The following ATP10A variants were observed in gnomAD, a reference collection of about 807,000 sequenced individuals.
The protein encoded by ATP10A is phospholipid-transporting ATPase VA.
ATP10A carries 111 observed loss-of-function variants against 147.8 expected under a neutral mutation model. That is an observed-to-expected ratio of 0.75 (90% CI 0.64 to 0.88). The LOEUF is 0.88. ATP10A is among the 40% of genes least tolerant of loss of function. The pLI is 0.00. For synonymous variants in ATP10A, 875 were observed against 841.6 expected, an observed-to-expected ratio of 1.04 and a Z score of -0.69; for missense variants, 1,927 against 1,959.0, an observed-to-expected ratio of 0.98 and a Z score of 0.31.
chr15:25,736,664 C>G (rs1387554998), intron 2 of ATP10A, among the ~76,000 whole-genome samples: 2 of 152,068 alleles, frequency 1.3e-5, no homozygotes, highest in Non-Finnish European at 2.9e-5. Context: ...AAAAAAAACC[C>G]TGACAACTCA....
intron 2 of ATP10A, among the ~76,000 whole-genome samples, chr15:25,748,257 T>C (rs1295354965): frequency 6.6e-6 from 1 of 152,154 alleles, no homozygotes; most frequent in Non-Finnish European, 1.5e-5. Flanking sequence ...CGGCCAAAAA[T>C]TCTTAATAAA....
intron 3 of ATP10A, 93 bp downstream of exon 3, chr15:25,735,963 T>G (rs1223517741): frequency 9.7e-6 from 11 of 1,138,694 alleles, no homozygotes; most frequent in Non-Finnish European, 1.3e-5. Flanking sequence ...GCAAAGAGTA[T>G]TAAATGCATA....
At chr15:25,775,214 C>T (rs1889543981) in intron 2 of ATP10A, among the ~76,000 whole-genome samples, 1 of 152,190 alleles carries the variant, frequency 6.6e-6, no homozygotes, top group African/African-American at 2.4e-5. Flanking sequence ...TTTTTCACTT[C>T]TAGTTTTCCT....
At chr15:25,702,246 C>A (rs1444537593) in intron 12 of ATP10A, 146 bp from the exon 13 acceptor site, 1 of 775,802 alleles carries the variant, frequency 1.3e-6, no homozygotes. Flanking sequence ...GCTGGGCTGC[C>A]AGTTGTCTGC....
rs746088232 is a variant in ATP10A at position 25,713,669 on chromosome 15, A to G, written c.2344+5T>C. 6.2e-7 allele frequency: 1 copy of G among 1,613,102 alleles called. No individual in the cohort carries two copies. Among genetic ancestry groups the G allele is most frequent in the Admixed American group, 1.7e-5 (1 of 59,898 alleles). On this transcript the variant is annotated splice_donor_5th_base_variant and intron_variant, in intron 10 of 20. Transcript: ENST00000555815. ...TGGGGTGCAGCTGGGCAGGGGTGGGAGTACCTGAAGAGCAGGGCTGCAGGA... is the reference window on the plus strand; with the variant it reads ...TGGGGTGCAGCTGGGCAGGGGTGGGGGTACCTGAAGAGCAGGGCTGCAGGA...
At chr15:25,716,546 C>T (rs72703705) in intron 9 of ATP10A, among the ~76,000 whole-genome samples, 184 bp downstream of exon 9, 179 of 152,314 alleles carry the variant, frequency 1.2e-3, no homozygotes, top group Non-Finnish European at 2.1e-3. Flanking sequence ...CTGGGGCCAA[C>T]GCTGCAGAAC....
intron 1 of ATP10A, among the ~76,000 whole-genome samples, chr15:25,792,744 A>C (rs759573458): frequency 6.6e-6 from 1 of 152,038 alleles, no homozygotes; most frequent in African/African-American, 2.4e-5. Flanking sequence ...TGGAATGTCA[A>C]TTTTGTTGCT....
In ATP10A at chr15:25,714,253, A is replaced by C; in HGVS notation, c.1777-12T>G. On this transcript the variant is annotated splice_polypyrimidine_tract_variant and intron_variant, in intron 9 of 20. Coordinates refer to ENST00000555815, the MANE Select transcript of ATP10A (RefSeq NM_024490.4). ...AACCTCACCCTCACCTGCAAGAGAA[A>C]TGGTCAGAAGGCAGGTGAGGGAACT... is the stretch of plus-strand genomic sequence containing the variant. The C allele has an allele frequency of 1.3e-6, 2 of 1,598,632 alleles. No homozygotes were observed. Among genetic ancestry groups the C allele is most frequent in the Non-Finnish European group, 1.7e-6 (2 of 1,179,780 alleles).
At chr15:25,722,444 A>G (rs1902302893) in intron 6 of ATP10A, among the ~76,000 whole-genome samples, 1 of 152,222 alleles carries the variant, frequency 6.6e-6, no homozygotes, top group Non-Finnish European at 1.5e-5. Flanking sequence ...AGGAAAGGGA[A>G]AGAGGCTTTG....
chr15:25,826,764 C>T (rs1892132714), intron 1 of ATP10A, among the ~76,000 whole-genome samples: 1 of 152,144 alleles, frequency 6.6e-6, no homozygotes, highest in African/African-American at 2.4e-5. Context: ...CACTGTACTC[C>T]AGCCTGGGCA....
intron 2 of ATP10A, among the ~76,000 whole-genome samples, chr15:25,753,779 T>C (rs1182611291): frequency 6.7e-6 from 1 of 148,370 alleles, no homozygotes; most frequent in Non-Finnish European, 1.5e-5. Flanking sequence ...ATATGATATA[T>C]GTTATATATA....
At chr15:25,837,724 G>GA (rs1892654948) in intron 1 of ATP10A, among the ~76,000 whole-genome samples, 1 of 152,212 alleles carries the variant, frequency 6.6e-6, no homozygotes, top group Admixed American at 6.5e-5. Context: ...CAAACTGCCC[G>GA]AAAGGCACCT....
chr15:25,851,332 GT>G (rs1284328340), intron 1 of ATP10A, among the ~76,000 whole-genome samples: 1 of 151,382 alleles, frequency 6.6e-6, no homozygotes, highest in Non-Finnish European at 1.5e-5. Flanking sequence ...CCTAGGTTGA[GT>G]TTCCTTTTGA....
chr15:25,825,599 A>C (rs1196973010), intron 1 of ATP10A, among the ~76,000 whole-genome samples: 2 of 152,212 alleles, frequency 1.3e-5, no homozygotes, highest in Non-Finnish European at 2.9e-5. Flanking sequence ...TTATTTGACC[A>C]CTAAGATAAT....
intron 1 of ATP10A, among the ~76,000 whole-genome samples, chr15:25,829,398 A>G (rs1026227814): frequency 6.6e-6 from 1 of 152,184 alleles, no homozygotes; most frequent in Non-Finnish European, 1.5e-5. Flanking sequence ...GATACCCAGG[A>G]AAAATGTCTT....
intron 1 of ATP10A, among the ~76,000 whole-genome samples, chr15:25,852,221 C>T (rs903666329): frequency 6.6e-6 from 1 of 151,790 alleles, no homozygotes; most frequent in Non-Finnish European, 1.5e-5. Context: ...CTCCCTCTAT[C>T]CTCCCTCCTG....
At chr15:25,811,010 T>C (rs1241643150) in intron 1 of ATP10A, among the ~76,000 whole-genome samples, 6 of 152,208 alleles carry the variant, frequency 3.9e-5, no homozygotes. Flanking sequence ...GGGAGGATCA[T>C]GTTACATGGC....
intron 2 of ATP10A, among the ~76,000 whole-genome samples, chr15:25,745,064 G>A (rs1177079384): frequency 1.3e-5 from 2 of 152,178 alleles, no homozygotes; most frequent in African/African-American, 2.4e-5. Context: ...GGTGGCTCAC[G>A]CCTGTAATCC....
At chr15:25,686,964 C>G (rs1459358914) in intron 16 of ATP10A, among the ~76,000 whole-genome samples, 1 of 108,250 alleles carries the variant, frequency 9.2e-6, no homozygotes, top group Non-Finnish European at 1.7e-5. Flanking sequence ...GGCTTTACAG[C>G]AGGGTCACTT....
Sources: gnomAD v4.1 joint callset for allele counts (sites outside exome capture counted in the v4.1 genomes callset) on GRCh38, gnomAD v4.1.1 for gene constraint, MANE v1.5 for transcripts, NCBI Gene and HGNC (gene_info 2026-07-23, HGNC 2026-07-21) for gene names.